Variants in EIF4H observed in about 807,000 individuals in gnomAD.
The protein encoded by EIF4H is Williams-Beuren syndrome chromosome region 1.
A neutral mutation model predicts 30.6 loss-of-function variants in EIF4H; 8 were observed. The ratio of observed to expected loss-of-function variants is 0.26; its 90% CI spans 0.15 to 0.47. The LOEUF is 0.47. EIF4H is among the 20% of genes least tolerant of loss of function. The pLI is 0.99. For missense variants in EIF4H, 188 were observed against 339.5 expected, an observed-to-expected ratio of 0.55 and a Z score of 3.51; for synonymous variants, 106 against 122.7, an observed-to-expected ratio of 0.86 and a Z score of 0.90.
At chr7:74,191,672 CA>C (rs1801216593) in intron 5 of EIF4H, among the ~76,000 whole-genome samples, 1 of 152,084 alleles carries the variant, frequency 6.6e-6, no homozygotes, top group Non-Finnish European at 1.5e-5. Context: ...ACCAAGAAAG[CA>C]AAAACATTTC....
At chr7:74,191,656 A>T (rs1554709984) in intron 5 of EIF4H, among the ~76,000 whole-genome samples, 1 of 152,228 alleles carries the variant, frequency 6.6e-6, no homozygotes, top group African/African-American at 2.4e-5. Flanking sequence ...AGAGCAACAG[A>T]AAAGTACCAA....
At chr7:74,185,268 C>T (rs531612391) in intron 1 of EIF4H, among the ~76,000 whole-genome samples, 4 of 152,340 alleles carry the variant, frequency 2.6e-5, no homozygotes, top group Non-Finnish European at 5.9e-5. Flanking sequence ...GTTGGGATTA[C>T]AGGCATGAGC....
intron 5 of EIF4H, among the ~76,000 whole-genome samples, chr7:74,194,184 G>A (rs994929630): frequency 3.3e-5 from 5 of 152,174 alleles, no homozygotes; most frequent in Non-Finnish European, 4.4e-5. Context: ...GGCCAATTTC[G>A]GATAACTGCT....
At chr7:74,184,072 G>C (rs782257665) in intron 1 of EIF4H, among the ~76,000 whole-genome samples, 6 of 152,172 alleles carry the variant, frequency 3.9e-5, no homozygotes, top group Non-Finnish European at 8.8e-5. Flanking sequence ...GGTGGGCTTT[G>C]GTGTATCTTT....
At position 74,190,253 on chromosome 7, in the gene EIF4H, G is replaced by T; in HGVS notation, c.416G>T (p.Gly139Val). Residue 139 changes from glycine (G) to valine (V), a missense_variant, in exon 5 of 7, where the codon GGT (glycine) becomes GTT (valine). Transcript: ENST00000265753. ...RKGGPDDRGMGSSRESRGGWD... is the reference protein window; with the variant it reads ...RKGGPDDRGMVSSRESRGGWD... The stretch of plus-strand genomic sequence containing the variant: ...CTTTTTTGTGTATCCTCAGGAATGG[G>T]TAGCTCTCGAGAATCTAGAGGTGGA... 1 of 1,614,156 alleles carries T rather than the reference G, an allele frequency of 6.2e-7. No individual in the cohort carries two copies. Among genetic ancestry groups the T allele is most frequent in the Non-Finnish European group, 8.5e-7 (1 of 1,179,994 alleles).
intron 1 of EIF4H, among the ~76,000 whole-genome samples, chr7:74,183,377 G>T (rs937214624): frequency 1.3e-5 from 2 of 152,184 alleles, no homozygotes; most frequent in Non-Finnish European, 1.5e-5. Context: ...GTAGCCTCAG[G>T]CCTGTTGGGT....
At chr7:74,180,466 G>A (rs1486241089) in intron 1 of EIF4H, among the ~76,000 whole-genome samples, 3 of 152,210 alleles carry the variant, frequency 2.0e-5, no homozygotes, top group African/African-American at 7.2e-5. Context: ...AATTGAAGCT[G>A]TGATTTTTCT....
chr7:74,192,866 C>CG (rs1324324317), intron 5 of EIF4H, among the ~76,000 whole-genome samples: 9 of 151,544 alleles, frequency 5.9e-5, no homozygotes, highest in South Asian at 2.1e-4. Flanking sequence ...TTAGTAGAGA[C>CG]GGGGTCTCTC....
intron 5 of EIF4H, among the ~76,000 whole-genome samples, chr7:74,191,679 A>T (rs1320010361): frequency 7.9e-5 from 12 of 152,212 alleles, no homozygotes; most frequent in African/African-American, 2.9e-4. Context: ...AAGCAAAAAC[A>T]TTTCATCATC....
At chr7:74,175,618 C>G (rs986942206) in intron 1 of EIF4H, among the ~76,000 whole-genome samples, 1 of 151,848 alleles carries the variant, frequency 6.6e-6, no homozygotes, top group African/African-American at 2.4e-5. Context: ...ATTTTATTTG[C>G]TAATAAAAAA....
intron 1 of EIF4H, among the ~76,000 whole-genome samples, chr7:74,179,810 G>A (rs1800917550): frequency 6.6e-6 from 1 of 152,154 alleles, no homozygotes; most frequent in South Asian, 2.1e-4. Flanking sequence ...ATTCACCATA[G>A]CTGTTAGAAA....
In EIF4H at chr7:74,194,737, T is replaced by C; in HGVS notation, c.470-4T>C. On this transcript the variant is annotated splice_polypyrimidine_tract_variant and splice_region_variant and intron_variant, in intron 5 of 6. Transcript: ENST00000265753. ...AGTAATTCAGTGTCCTGTTTCTTCC[T>C]CAGGCTTCAGGGATGACTTCTTAGG... 6.4e-7 allele frequency: 1 copy of C among 1,572,678 alleles called. No individual in the cohort carries two copies. The highest frequency in any genetic ancestry group is 8.7e-7 in the Non-Finnish European group (1 of 1,151,658).
intron 1 of EIF4H, among the ~76,000 whole-genome samples, chr7:74,177,104 G>A (rs913785058): frequency 6.6e-6 from 1 of 152,184 alleles, no homozygotes; most frequent in Non-Finnish European, 1.5e-5. Context: ...TCAGGATTCA[G>A]TTAGGGAGTT....
At chr7:74,184,157 G>T (rs1801030473) in intron 1 of EIF4H, among the ~76,000 whole-genome samples, 1 of 152,072 alleles carries the variant, frequency 6.6e-6, no homozygotes, top group African/African-American at 2.4e-5. Flanking sequence ...AAAATGGTTT[G>T]CCCCAAACTA....
chr7:74,192,714 G>A (rs892689592), intron 5 of EIF4H, among the ~76,000 whole-genome samples: 2 of 116,748 alleles, frequency 1.7e-5, no homozygotes, highest in African/African-American at 3.7e-5. Flanking sequence ...GGCTCACTCT[G>A]TTGCCCAGGC....
intron 1 of EIF4H, among the ~76,000 whole-genome samples, chr7:74,182,323 A>C (rs557512149): frequency 1.3e-5 from 2 of 152,264 alleles, no homozygotes; most frequent in African/African-American, 4.8e-5. Context: ...TGACCTTTGA[A>C]AGCTTAACCA....
intron 4 of EIF4H, 107 bp from the exon 5 acceptor site, chr7:74,190,140 T>C: frequency 8.1e-7 from 1 of 1,228,556 alleles, no homozygotes. Flanking sequence ...AATGATTTCA[T>C]TGAACCTTCC....
At chr7:74,177,577 G>A (rs1321653318) in intron 1 of EIF4H, among the ~76,000 whole-genome samples, 1 of 152,144 alleles carries the variant, frequency 6.6e-6, no homozygotes, top group Admixed American at 6.6e-5. Flanking sequence ...AGATTTGTAT[G>A]TAATAGGAAG....
intron 1 of EIF4H, among the ~76,000 whole-genome samples, chr7:74,179,184 GATAA>G (rs1480218426): frequency 6.6e-6 from 1 of 152,178 alleles, no homozygotes; most frequent in African/African-American, 2.4e-5. Flanking sequence ...TCCTTGCACA[GATAA>G]ATAGTTGGAA....
Sources: allele counts gnomAD v4.1 joint callset (sites outside exome capture counted in the v4.1 genomes callset), GRCh38; gene constraint gnomAD v4.1.1; transcripts MANE v1.5; gene names NCBI Gene and HGNC (gene_info 2026-07-23, HGNC 2026-07-21).